The following GRIP1 variants were observed in gnomAD, a reference collection of about 807,000 sequenced individuals.
GRIP1 encodes glutamate receptor-interacting protein 1.
In GRIP1, 45 loss-of-function variants were observed where a neutral mutation model predicts 129.9. The observed-to-expected ratio is 0.35, with a 90% CI of 0.27 to 0.44. The LOEUF (loss-of-function observed/expected upper bound fraction) is 0.44, where lower values mean the gene tolerates loss of function less well. GRIP1 is among the 20% of genes least tolerant of loss of function. GRIP1 has a pLI of 1.00. For missense variants in GRIP1, 1,196 were observed against 1,396.8 expected (o/e 0.86, Z 2.29); for synonymous variants, 530 against 520.8 (o/e 1.02, Z -0.24).
At chr12:66,932,744 T>C (rs896297249) in intron 1 of GRIP1, among the ~76,000 whole-genome samples, 1 of 152,128 alleles carries the variant, frequency 6.6e-6, no homozygotes, top group Non-Finnish European at 1.5e-5. Flanking sequence ...TCTCGGCTCA[T>C]TGCAATCTCT....
upstream of GRIP1, among the ~76,000 whole-genome samples, chr12:66,681,726 T>C (rs908898997): frequency 1.3e-5 from 2 of 152,172 alleles, no homozygotes; most frequent in Non-Finnish European, 2.9e-5. Context: ...CAATGTGATC[T>C]GAAGAAGAGT....
intron 1 of GRIP1, among the ~76,000 whole-genome samples, chr12:66,655,382 T>C (rs2033083246): frequency 6.6e-6 from 1 of 152,172 alleles, no homozygotes; most frequent in Admixed American, 6.5e-5. Flanking sequence ...AGATTTCCCA[T>C]ATGCCTCCTG....
intron 1 of GRIP1, among the ~76,000 whole-genome samples, chr12:66,739,756 A>G (rs915853255): frequency 6.6e-6 from 1 of 152,006 alleles, no homozygotes; most frequent in Non-Finnish European, 1.5e-5. Flanking sequence ...AATAAAAAAA[A>G]AAAAACCAGT....
intron 1 of GRIP1, among the ~76,000 whole-genome samples, chr12:66,941,991 A>C (rs2137451139): frequency 6.6e-6 from 1 of 152,326 alleles, no homozygotes; most frequent in Middle Eastern, 3.4e-3. Flanking sequence ...GAATCAATAA[A>C]ACAGAATTTC....
At chr12:66,956,324 A>C (rs2137514322) in intron 1 of GRIP1, among the ~76,000 whole-genome samples, 1 of 152,286 alleles carries the variant, frequency 6.6e-6, no homozygotes, top group Non-Finnish European at 1.5e-5. Flanking sequence ...TTTCATTAAT[A>C]GGCTGGGGTT....
chr12:66,640,715 A>G (rs980147441), intron 1 of GRIP1, among the ~76,000 whole-genome samples: 3 of 152,208 alleles, frequency 2.0e-5, no homozygotes, highest in Non-Finnish European at 2.9e-5. Flanking sequence ...TAAAAAAACT[A>G]AGAGAGAATT....
At chr12:66,651,774 G>A (rs1198860931) in intron 1 of GRIP1, among the ~76,000 whole-genome samples, 1 of 151,830 alleles carries the variant, frequency 6.6e-6, no homozygotes, top group Non-Finnish European at 1.5e-5. Flanking sequence ...AGGAGGGAGG[G>A]GAGCATTTAC....
chr12:66,552,663 T>C (rs2062180906), intron 2 of GRIP1, among the ~76,000 whole-genome samples: 1 of 152,132 alleles, frequency 6.6e-6, no homozygotes, highest in African/African-American at 2.4e-5. Context: ...ATAGATGAAA[T>C]ACTTTTGAGA....
intron 1 of GRIP1, among the ~76,000 whole-genome samples, chr12:66,829,478 G>A (rs1007294698): frequency 1.3e-5 from 2 of 152,106 alleles, no homozygotes; most frequent in Non-Finnish European, 2.9e-5. Context: ...AAGCCACCAA[G>A]CTTGTGGTAA....
At chr12:66,939,935 G>T (rs2041556570) in intron 1 of GRIP1, among the ~76,000 whole-genome samples, 1 of 152,024 alleles carries the variant, frequency 6.6e-6, no homozygotes, top group African/African-American at 2.4e-5. Context: ...GATGCCATAT[G>T]GTTACAAGAG....
At chr12:66,645,887 T>A (rs1376791525) in intron 1 of GRIP1, among the ~76,000 whole-genome samples, 1 of 152,222 alleles carries the variant, frequency 6.6e-6, no homozygotes, top group Non-Finnish European at 1.5e-5. Context: ...GCTCATAGTT[T>A]AAGTGAAAAT....
chr12:66,468,216 C>A (rs1196277218), intron 7 of GRIP1, among the ~76,000 whole-genome samples: 1 of 151,878 alleles, frequency 6.6e-6, no homozygotes, highest in Admixed American at 6.5e-5. Context: ...AATGGCTGTG[C>A]CCACCTCTCC....
intron 19 of GRIP1, among the ~76,000 whole-genome samples, chr12:66,389,659 G>A (rs1476195307): frequency 2.0e-5 from 3 of 152,128 alleles, no homozygotes; most frequent in African/African-American, 7.2e-5. Flanking sequence ...AGCGCAAAAT[G>A]AGTGACAGAT....
At chr12:66,899,140 T>A (rs2040801403) in intron 1 of GRIP1, among the ~76,000 whole-genome samples, 1 of 152,188 alleles carries the variant, frequency 6.6e-6, no homozygotes, top group South Asian at 2.1e-4. Context: ...GGATCACTCT[T>A]TTAATTCACC....
intron 1 of GRIP1, among the ~76,000 whole-genome samples, chr12:66,853,740 C>G (rs12320288): frequency 6.6e-6 from 1 of 151,836 alleles, no homozygotes; most frequent in Non-Finnish European, 1.5e-5. Flanking sequence ...ATAAGAGAAC[C>G]CTTAGCAAAT....
intron 4 of GRIP1, among the ~76,000 whole-genome samples, chr12:66,537,944 C>T (rs1276572150): frequency 2.0e-5 from 3 of 152,178 alleles, no homozygotes; most frequent in South Asian, 2.1e-4. Context: ...ATAGCAATTC[C>T]TCCTTATCTG....
chr12:66,783,004 T>C (rs749110162), intron 1 of GRIP1, among the ~76,000 whole-genome samples: 3 of 152,170 alleles, frequency 2.0e-5, no homozygotes, highest in Non-Finnish European at 4.4e-5. Context: ...TAATAGTGCA[T>C]TGCCATATTT....
chr12:66,886,721 C>A (rs1696825116), intron 1 of GRIP1, among the ~76,000 whole-genome samples: 1 of 152,060 alleles, frequency 6.6e-6, no homozygotes. Flanking sequence ...ACAATAAGAG[C>A]AAGATAAAAT....
At chr12:66,810,776 A>G (rs966454399) in intron 1 of GRIP1, among the ~76,000 whole-genome samples, 10 of 152,172 alleles carry the variant, frequency 6.6e-5, no homozygotes, top group African/African-American at 2.4e-4. Context: ...TTCCACAAAT[A>G]ATTCTTAATT....
Sources: gnomAD v4.1 joint callset for allele counts (sites outside exome capture counted in the v4.1 genomes callset) on GRCh38, gnomAD v4.1.1 for gene constraint, MANE v1.5 for transcripts, NCBI Gene and HGNC (gene_info 2026-07-23, HGNC 2026-07-21) for gene names.